Variants in PLCB4 observed in about 807,000 individuals in gnomAD.
PLCB4 encodes 1-phosphatidylinositol 4,5-bisphosphate phosphodiesterase beta-4.
In PLCB4, 77 loss-of-function variants were observed where a neutral mutation model predicts 178.8. The ratio of observed to expected loss-of-function variants is 0.43; its 90% confidence interval spans 0.36 to 0.52. The LOEUF (loss-of-function observed/expected upper bound fraction) is 0.52, where lower values mean the gene tolerates loss of function less well. PLCB4 is among the 20% of genes least tolerant of loss of function. The pLI, the probability that PLCB4 is intolerant of heterozygous loss-of-function variation, is 0.00. For missense variants in PLCB4, 1,024 were observed against 1,453.4 expected, an observed-to-expected ratio of 0.70 and a Z score of 4.80; for synonymous variants, 496 against 490.8, an observed-to-expected ratio of 1.01 and a Z score of -0.14.
chr20:9,373,198 T>A (rs905130722), intron 12 of PLCB4, 94 bp downstream of exon 12: 5 of 614,954 alleles, frequency 8.1e-6, no homozygotes, highest in Non-Finnish European at 1.5e-5. Context: ...TATGCCCTTA[T>A]TCGCTTTGCT....
intron 3 of PLCB4, among the ~76,000 whole-genome samples, chr20:9,265,672 G>A (rs927960130): frequency 2.0e-5 from 3 of 152,144 alleles, no homozygotes; most frequent in Admixed American, 2.0e-4. Flanking sequence ...ACTCCAAAAA[G>A]AGGGCTTGGA....
At chr20:9,474,043 C>T (rs906408869) in intron 38 of PLCB4, among the ~76,000 whole-genome samples, 21 of 152,036 alleles carry the variant, frequency 1.4e-4, no homozygotes, top group Non-Finnish European at 2.5e-4. Context: ...ATGGTGAAGC[C>T]CCGTCTCTAC....
At chr20:9,362,839 G>T in intron 7 of PLCB4, 57 bp from the exon 8 acceptor site, 3 of 1,042,746 alleles carry the variant, frequency 2.9e-6, no homozygotes, top group Non-Finnish European at 4.5e-6. Flanking sequence ...AATAAAAACT[G>T]CTCTATTTGA....
intron 3 of PLCB4, among the ~76,000 whole-genome samples, chr20:9,294,799 G>T (rs1418019454): frequency 3.3e-5 from 5 of 152,068 alleles, no homozygotes; most frequent in Admixed American, 3.3e-4. Context: ...TTGAGATTTT[G>T]CATTTCTAAG....
At chr20:9,341,671 G>GA (rs36070142) in intron 7 of PLCB4, among the ~76,000 whole-genome samples, 10,012 of 149,000 alleles carry the variant, frequency 0.067, 363 homozygotes, top group Middle Eastern at 0.097. Context: ...AACTTTTACT[G>GA]AAAAAAAATC....
intron 2 of PLCB4, among the ~76,000 whole-genome samples, chr20:9,145,483 A>G (rs1252910916): frequency 6.6e-6 from 1 of 150,600 alleles, no homozygotes; most frequent in Non-Finnish European, 1.5e-5. Context: ...GATCACTCTT[A>G]TCCTGCTGAT....
At chr20:9,458,426 A>G (rs1249556663) in intron 34 of PLCB4, among the ~76,000 whole-genome samples, 3 of 152,230 alleles carry the variant, frequency 2.0e-5, no homozygotes, top group Admixed American at 6.5e-5. Flanking sequence ...TGGCAACAGT[A>G]TCAGTTTGCT....
intron 18 of PLCB4, among the ~76,000 whole-genome samples, chr20:9,395,236 A>AGGATC (rs2038477370): frequency 6.6e-6 from 1 of 152,148 alleles, no homozygotes; most frequent in Admixed American, 6.5e-5. Context: ...ACGAGGACTG[A>AGGATC]ACCTCCTCTC....
intron 2 of PLCB4, among the ~76,000 whole-genome samples, chr20:9,108,116 GT>G (rs1452614402): frequency 6.6e-6 from 1 of 152,134 alleles, no homozygotes; most frequent in Non-Finnish European, 1.5e-5. Context: ...TCAGGAGTTG[GT>G]TTTGGATATG....
At chr20:9,464,593 A>G (rs1241037980) in intron 35 of PLCB4, among the ~76,000 whole-genome samples, 1 of 152,166 alleles carries the variant, frequency 6.6e-6, no homozygotes, top group African/African-American at 2.4e-5. Context: ...AAAATGATAA[A>G]AGAGATATCA....
intron 27 of PLCB4, 48 bp from the exon 28 acceptor site, chr20:9,423,700 T>C: frequency 6.9e-7 from 1 of 1,450,114 alleles, no homozygotes; most frequent in Non-Finnish European, 9.7e-7. Flanking sequence ...GTCATGGTTC[T>C]TGGGCGCTGC....
chr20:9,292,900 G>A (rs542082564), intron 3 of PLCB4, among the ~76,000 whole-genome samples: 6 of 152,210 alleles, frequency 3.9e-5, no homozygotes, highest in East Asian at 1.9e-4. Flanking sequence ...CCAACATGGC[G>A]AAACCCTGTC....
intron 3 of PLCB4, among the ~76,000 whole-genome samples, chr20:9,247,605 T>A (rs923579107): frequency 6.6e-6 from 1 of 152,246 alleles, no homozygotes; most frequent in Non-Finnish European, 1.5e-5. Flanking sequence ...ACTAAATTGA[T>A]AAGTTGCTTG....
At chr20:9,288,405 G>C (rs1222925874) in intron 3 of PLCB4, among the ~76,000 whole-genome samples, 1 of 132,188 alleles carries the variant, frequency 7.6e-6, no homozygotes, top group Non-Finnish European at 1.5e-5. Context: ...TCCTGTAGTT[G>C]CTTTTTTTTT....
At chr20:9,337,652 T>A (rs1278600334) in intron 5 of PLCB4, among the ~76,000 whole-genome samples, 1 of 152,202 alleles carries the variant, frequency 6.6e-6, no homozygotes, top group African/African-American at 2.4e-5. Flanking sequence ...AAGAAAAGAA[T>A]TAAAGTTATA....
intron 3 of PLCB4, among the ~76,000 whole-genome samples, chr20:9,260,193 G>A (rs111450801): frequency 0.032 from 4,839 of 152,150 alleles, 102 homozygotes; most frequent in Non-Finnish European, 0.052. Context: ...TGAAAAGCAT[G>A]AGGAATACTA....
rs115702236 is a variant in PLCB4 at position 9,440,640 on chromosome 20, G to A, written c.2765-3341G>A. ...CACATGGCCCAGCTCAGATTCAAGA[G>A]TTGGGGAAACAGATTCCACATATTG... On this transcript the variant is annotated intron_variant, in intron 30 of 39. Coordinates refer to ENST00000378473, the MANE Select transcript of PLCB4 (RefSeq NM_001377142.1). Among the ~76,000 whole-genome samples, 1,438 of 152,282 alleles carry A rather than the reference G, an allele frequency of 9.4e-3. 17 individuals are homozygous for A. Among genetic ancestry groups the A allele is most frequent in the African/African-American group, 0.033 (1,363 of 41,554 alleles).
At chr20:9,158,597 G>A (rs1044421754) in intron 2 of PLCB4, among the ~76,000 whole-genome samples, 19 of 146,896 alleles carry the variant, frequency 1.3e-4, no homozygotes, top group African/African-American at 4.0e-4. Flanking sequence ...TTTTTTAACC[G>A]TACAAAACAG....
chr20:9,434,802 G>C (rs1430443642), intron 28 of PLCB4, among the ~76,000 whole-genome samples: 1 of 152,158 alleles, frequency 6.6e-6, no homozygotes, highest in Middle Eastern at 3.2e-3. Flanking sequence ...TAATTAGGAA[G>C]GCGATTCTGT....
Sources: allele counts gnomAD v4.1 joint callset (sites outside exome capture counted in the v4.1 genomes callset), GRCh38; gene constraint gnomAD v4.1.1; transcripts MANE v1.5; gene names NCBI Gene and HGNC (gene_info 2026-07-23, HGNC 2026-07-21).